The following LOXL4 variants were observed in gnomAD, a reference collection of about 807,000 sequenced individuals.
LOXL4 encodes the protein lysyl oxidase like 4.
A neutral mutation model predicts 89.1 loss-of-function variants in LOXL4; 72 were observed. The observed-to-expected ratio is 0.81, with a 90% CI of 0.67 to 0.98. The LOEUF (loss-of-function observed/expected upper bound fraction) is 0.98, where lower values mean the gene tolerates loss of function less well. Ranked by LOEUF, LOXL4 falls within the 50% of genes least tolerant of loss-of-function variation. The pLI is 0.00. For synonymous variants in LOXL4, 355 were observed against 392.1 expected, an observed-to-expected ratio of 0.91 and a Z score of 1.12; for missense variants, 984 against 1,017.5, an observed-to-expected ratio of 0.97 and a Z score of 0.45.
chr10:98,254,880 G>A (rs1408845565), intron 10 of LOXL4, among the ~76,000 whole-genome samples: 3 of 152,222 alleles, frequency 2.0e-5, no homozygotes, highest in Admixed American at 6.5e-5. Flanking sequence ...GAAGCCAGGA[G>A]CTCACTGACA....
chr10:98,250,270 A>G (rs1487280549), intron 14 of LOXL4, among the ~76,000 whole-genome samples: 1 of 152,090 alleles, frequency 6.6e-6, no homozygotes, highest in Non-Finnish European at 1.5e-5. Context: ...CTAGCCCCCA[A>G]CAGGTTGCTT....
At chr10:98,263,454 A>G (rs1035369176) in intron 1 of LOXL4, among the ~76,000 whole-genome samples, 14 of 151,264 alleles carry the variant, frequency 9.3e-5, no homozygotes, top group Admixed American at 3.9e-4. Context: ...GTGTAGGCAG[A>G]CGAGGTGGTC....
chr10:98,263,921 C>T (rs1000136499), intron 1 of LOXL4, among the ~76,000 whole-genome samples: 3 of 151,900 alleles, frequency 2.0e-5, no homozygotes, highest in Admixed American at 6.6e-5. Context: ...GTAGTAGAGA[C>T]GGGGTTTCAC....
chr10:98,251,802 G>A (rs1858201164), intron 12 of LOXL4, 100 bp from the exon 13 acceptor site: 1 of 1,402,676 alleles, frequency 7.1e-7, no homozygotes, highest in Non-Finnish European at 9.7e-7. Context: ...CCAGTTCACA[G>A]ATTAAGGACC....
intron 9 of LOXL4, chr10:98,256,370 G>A (rs1441462622): frequency 4.3e-6 from 1 of 230,630 alleles, no homozygotes; most frequent in Non-Finnish European, 8.3e-6. Context: ...TCAAACATGT[G>A]GATTGCAAGC....
chr10:98,266,477 A>G (rs751412535), intron 1 of LOXL4, among the ~76,000 whole-genome samples: 1 of 152,110 alleles, frequency 6.6e-6, no homozygotes, highest in Non-Finnish European at 1.5e-5. Context: ...GGCTGTGGAC[A>G]GTCCCAGGCC....
rs200786136 is a variant in LOXL4, at chr10:98,256,771, G to A, written c.1428+9C>T. ...GAGGTCATACGGAAGAAACAACAGA[G>A]GGACCTACCTTGTAGGCATGGATGG... On this transcript the variant is annotated intron_variant, in intron 9 of 14. Coordinates refer to ENST00000260702, the MANE Select transcript of LOXL4 (RefSeq NM_032211.7). 6.2e-7 allele frequency: 1 copy of A among 1,613,884 alleles called. No individual in the cohort carries two copies. The highest frequency in any genetic ancestry group is 1.3e-5 in the African/African-American group (1 of 74,950).
In LOXL4 at chr10:98,262,308, TC is replaced by T; in HGVS notation, c.278-96del. On this transcript the variant is annotated intron_variant, in intron 2 of 14. Coordinates refer to ENST00000260702, the MANE Select transcript of LOXL4 (RefSeq NM_032211.7). ...ACCCCACACTTACCAAGTCACCTCTTCCAAACCCTGGGAGAAAGTGGCAGGG... is the reference window on the plus strand; with the variant it reads ...ACCCCACACTTACCAAGTCACCTCTTCAAACCCTGGGAGAAAGTGGCAGGG... 4.5e-6 allele frequency: 6 copies of T among 1,335,486 alleles called. No homozygotes were observed. In the Middle Eastern group the frequency reaches 9.3e-4, roughly 208 times the overall value. 82.7% of individuals were successfully genotyped at this position (1,335,486 alleles called of 1,614,324 possible).
chr10:98,264,885 G>A (rs192804265), intron 1 of LOXL4, among the ~76,000 whole-genome samples: 140 of 152,336 alleles, frequency 9.2e-4, no homozygotes, highest in Non-Finnish European at 1.4e-3. Flanking sequence ...GGGGAATCAT[G>A]CAGCTCATCC....
At chr10:98,255,493 G>A in intron 10 of LOXL4, 84 bp downstream of exon 10, 1 of 1,435,068 alleles carries the variant, frequency 7.0e-7, no homozygotes, top group Non-Finnish European at 9.4e-7. Flanking sequence ...GCTGGCCATA[G>A]ACCTGGGACC....
intron 14 of LOXL4, 50 bp downstream of exon 14, chr10:98,251,015 C>G (rs773858721): frequency 3.7e-6 from 5 of 1,348,534 alleles, no homozygotes; most frequent in East Asian, 2.3e-5. Context: ...TTACAGTGTT[C>G]CAGCTCCCTG....
chr10:98,256,698 G>T, intron 9 of LOXL4, 82 bp downstream of exon 9: 1 of 1,523,924 alleles, frequency 6.6e-7, no homozygotes. Context: ...GGGCAAAGAG[G>T]CAGCAGCTTT....
At chr10:98,249,545 T>C (rs569149263) in intron 14 of LOXL4, among the ~76,000 whole-genome samples, 2 of 152,226 alleles carry the variant, frequency 1.3e-5, no homozygotes, top group East Asian at 3.9e-4. Flanking sequence ...TTTTCTACTT[T>C]CTTTATGCTT....
chr10:98,263,415 C>A (rs2135845705), intron 1 of LOXL4, among the ~76,000 whole-genome samples: 1 of 152,318 alleles, frequency 6.6e-6, no homozygotes, highest in African/African-American at 2.4e-5. Flanking sequence ...ACACAATAAA[C>A]AGCAGCTCTT....
At chr10:98,259,859 G>A (rs1858490344) in intron 4 of LOXL4, among the ~76,000 whole-genome samples, 1 of 152,180 alleles carries the variant, frequency 6.6e-6, no homozygotes, top group Non-Finnish European at 1.5e-5. Flanking sequence ...ACCCAGGTGT[G>A]CAATTACCAG....
intron 2 of LOXL4, 148 bp downstream of exon 2, chr10:98,262,595 G>T: frequency 1.0e-6 from 1 of 973,270 alleles, no homozygotes; most frequent in Non-Finnish European, 1.6e-6. Flanking sequence ...GGGAGTAGGG[G>T]CCATGTGCAG....
At position 98,248,877 on chromosome 10, in the gene LOXL4, G is replaced by T. The variant is rs934883628; in HGVS notation, c.*44C>A. On this transcript the variant is annotated 3_prime_UTR_variant, in exon 15 of 15. Transcript: ENST00000260702. ...AAGGGCATGGCTCCAATAAGCTGAG[G>T]TATCTGGTGTATCGGCAGCAGCTAG... is the stretch of plus-strand genomic sequence containing the variant. The T allele has an allele frequency of 5.2e-6, 8 of 1,542,440 alleles. No individual in the cohort carries two copies. The highest frequency in any genetic ancestry group is 2.2e-5 in the East Asian group (1 of 44,488).
At position 98,255,757 on chromosome 10, in the gene LOXL4, G is replaced by C. The variant is rs771293427; in HGVS notation, c.1429-18C>G. 6.2e-7 allele frequency: 1 copy of C among 1,601,176 alleles called. No individual in the cohort carries two copies. The highest frequency in any genetic ancestry group is 1.7e-5 in the Admixed American group (1 of 59,736). On this transcript the variant is annotated intron_variant, in intron 9 of 14. Transcript: ENST00000260702. ...CAGGTTTCCTAAGAAGACAGCCAGC[G>C]TCACCCAGTCAGCGTGCCTTTGGAG...
At chr10:98,257,503 G>T (rs1201325229) in intron 8 of LOXL4, 147 bp downstream of exon 8, 1 of 935,460 alleles carries the variant, frequency 1.1e-6, no homozygotes, top group Non-Finnish European at 1.6e-6. Context: ...CAGCCAGGTC[G>T]GCTCTAAGGG....
Sources: gnomAD v4.1 joint callset for allele counts (sites outside exome capture counted in the v4.1 genomes callset) on GRCh38, gnomAD v4.1.1 for gene constraint, MANE v1.5 for transcripts, NCBI Gene and HGNC (gene_info 2026-07-23, HGNC 2026-07-21) for gene names.